The following FTO variants were observed in gnomAD, a reference collection of about 807,000 sequenced individuals.
The protein encoded by FTO is alpha-ketoglutarate-dependent dioxygenase FTO.
A neutral mutation model predicts 63.9 loss-of-function variants in FTO; 47 were observed. The ratio of observed to expected loss-of-function variants is 0.74; its 90% CI spans 0.58 to 0.94. The LOEUF is 0.94. Among genes scored for constraint, FTO ranks in the 40% least tolerant of loss-of-function variants. The pLI is 0.00. For missense variants in FTO, 562 were observed against 618.1 expected, an observed-to-expected ratio of 0.91 and a Z score of 0.96; for synonymous variants, 207 against 224.4, an observed-to-expected ratio of 0.92 and a Z score of 0.69.
intron 5 of FTO, among the ~76,000 whole-genome samples, chr16:53,876,541 A>G (rs557163491): frequency 6.6e-6 from 1 of 152,370 alleles, no homozygotes; most frequent in South Asian, 2.1e-4. Flanking sequence ...TATATCTCAT[A>G]AAGCACTTGT....
At chr16:54,102,819 G>A in intron 8 of FTO, among the ~76,000 whole-genome samples, 1 of 152,094 alleles carries the variant, frequency 6.6e-6, no homozygotes, top group East Asian at 1.9e-4. Flanking sequence ...ATGCTAATTG[G>A]CCAAGATCCA....
chr16:54,063,948 A>G (rs1236362017), intron 8 of FTO: 2 of 151,040 alleles, frequency 1.3e-5, no homozygotes, highest in Admixed American at 1.3e-4. Context: ...TTAAGGTAAT[A>G]TTTTTAAAAA....
At chr16:53,845,198 C>T (rs780728436) in intron 4 of FTO, among the ~76,000 whole-genome samples, 1 of 152,148 alleles carries the variant, frequency 6.6e-6, no homozygotes, top group Non-Finnish European at 1.5e-5. Flanking sequence ...CTACTTGGCT[C>T]TTGTTCCTGA....
At chr16:53,729,258 G>A (rs556316823) in intron 1 of FTO, among the ~76,000 whole-genome samples, 2 of 151,976 alleles carry the variant, frequency 1.3e-5, no homozygotes, top group Non-Finnish European at 2.9e-5. Context: ...GCCAGGAGCC[G>A]TGGCTCATGC....
At chr16:53,781,093 T>G (rs941276625) in intron 1 of FTO, among the ~76,000 whole-genome samples, 15 of 152,234 alleles carry the variant, frequency 9.9e-5, no homozygotes, top group African/African-American at 3.4e-4. Flanking sequence ...AGAACAGTGC[T>G]TAGCACATAG....
intron 8 of FTO, among the ~76,000 whole-genome samples, chr16:53,970,590 CAAAAAAAAAAA>C (rs750908676): frequency 2.3e-4 from 15 of 65,316 alleles, no homozygotes; most frequent in African/African-American, 6.3e-4. Context: ...GACTCCATCT[CAAAAAAAAAAA>C]AAAAAAGAAA....
chr16:53,848,490 TA>T (rs990383077), intron 4 of FTO, among the ~76,000 whole-genome samples: 2 of 152,196 alleles, frequency 1.3e-5, no homozygotes, highest in African/African-American at 2.4e-5. Context: ...GTTTTACTTT[TA>T]AATTGGAATC....
In FTO at chr16:53,875,520, C is replaced by G. The variant is rs181377798; in HGVS notation, c.975+1655C>G. On this transcript the variant is annotated intron_variant, in intron 5 of 8. Coordinates refer to ENST00000471389, the MANE Select transcript of FTO (RefSeq NM_001080432.3). ...TATTATTAAATTACTTCTACTGCTACTACTGTCTTTTCATTTTATTCTGTT... is the reference window on the plus strand; with the variant it reads ...TATTATTAAATTACTTCTACTGCTAGTACTGTCTTTTCATTTTATTCTGTT... 1.5e-3 allele frequency among the ~76,000 whole-genome samples: 230 copies of G among 152,294 alleles called. 1 individual carries two copies. The highest frequency in any genetic ancestry group is 3.7e-3 in the Admixed American group (56 of 15,300).
intron 8 of FTO, among the ~76,000 whole-genome samples, chr16:54,010,658 G>A (rs561446012): frequency 3.9e-5 from 6 of 152,162 alleles, no homozygotes; most frequent in East Asian, 3.9e-4. Flanking sequence ...TCATGTAGGC[G>A]AGCAATTTAG....
intron 1 of FTO, among the ~76,000 whole-genome samples, chr16:53,786,908 G>A (rs1177656602): frequency 1.3e-5 from 2 of 151,804 alleles, no homozygotes; most frequent in African/African-American, 2.4e-5. Flanking sequence ...TCAATAGATC[G>A]AAACTATCCT....
chr16:53,851,869 C>A (rs1304409369), intron 4 of FTO, among the ~76,000 whole-genome samples: 2 of 152,030 alleles, frequency 1.3e-5, no homozygotes, highest in Non-Finnish European at 2.9e-5. Context: ...CTCCACCTAT[C>A]CCCAAGTTCC....
intron 8 of FTO, among the ~76,000 whole-genome samples, chr16:54,003,993 A>G (rs2084133752): frequency 6.6e-6 from 1 of 152,156 alleles, no homozygotes; most frequent in African/African-American, 2.4e-5. Flanking sequence ...ATTATCTTAT[A>G]TGACTAGTGT....
chr16:53,881,730 C>T (rs139261138), intron 6 of FTO, among the ~76,000 whole-genome samples: 25 of 152,306 alleles, frequency 1.6e-4, no homozygotes, highest in African/African-American at 5.8e-4. Context: ...GGACTACATA[C>T]ATTGTTTAGT....
intron 8 of FTO, among the ~76,000 whole-genome samples, chr16:54,090,038 CA>C (rs1272851811): frequency 6.6e-6 from 1 of 152,066 alleles, no homozygotes; most frequent in African/African-American, 2.4e-5. Context: ...TAGATGTATA[CA>C]CAAAAGAATT....
chr16:53,894,124 TAA>T (rs370624428), intron 7 of FTO, among the ~76,000 whole-genome samples: 53 of 152,328 alleles, frequency 3.5e-4, no homozygotes, highest in African/African-American at 1.2e-3. Flanking sequence ...TTCTTGTTGT[TAA>T]AGTTTTAAGA....
intron 2 of FTO, among the ~76,000 whole-genome samples, chr16:53,819,953 C>G (rs139328510): frequency 4.7e-4 from 72 of 151,636 alleles, no homozygotes; most frequent in African/African-American, 1.2e-3. Context: ...GTCTTGAGCA[C>G]TTATGTGGAA....
At chr16:53,857,621 T>C (rs1342237735) in intron 4 of FTO, among the ~76,000 whole-genome samples, 1 of 152,122 alleles carries the variant, frequency 6.6e-6, no homozygotes, top group East Asian at 1.9e-4. Flanking sequence ...GGACCTCTGC[T>C]TGGTTTACAG....
At chr16:53,810,436 G>A (rs897168379) in intron 2 of FTO, among the ~76,000 whole-genome samples, 2 of 152,030 alleles carry the variant, frequency 1.3e-5, no homozygotes, top group Non-Finnish European at 2.9e-5. Flanking sequence ...TTATTTCCTC[G>A]GACATTCCAC....
intron 8 of FTO, among the ~76,000 whole-genome samples, chr16:53,982,642 T>C (rs2083574435): frequency 6.6e-6 from 1 of 152,230 alleles, no homozygotes; most frequent in African/African-American, 2.4e-5. Context: ...TTGGAAGCTG[T>C]GCCCAAGAAA....
Sources: allele counts gnomAD v4.1 joint callset (sites outside exome capture counted in the v4.1 genomes callset), GRCh38; gene constraint gnomAD v4.1.1; transcripts MANE v1.5; gene names NCBI Gene and HGNC (gene_info 2026-07-23, HGNC 2026-07-21).